Variants in ADCY2 observed in about 807,000 individuals in gnomAD.
ADCY2 encodes the protein adenylate cyclase 2, also known as adenylate cyclase type 2.
A neutral mutation model predicts 125.2 loss-of-function variants in ADCY2; 31 were observed. The ratio of observed to expected loss-of-function variants is 0.25; its 90% CI spans 0.19 to 0.33. ADCY2 has a LOEUF of 0.33. Among genes scored for constraint, ADCY2 ranks in the 10% least tolerant of loss-of-function variants. The probability of loss-of-function intolerance (pLI) is 1.00; values close to 1 mark genes in which losing one functional copy is unlikely to be tolerated. For missense variants in ADCY2, 904 were observed against 1,418.2 expected, an observed-to-expected ratio of 0.64 and a Z score of 5.82; for synonymous variants, 512 against 548.4, an observed-to-expected ratio of 0.93 and a Z score of 0.93.
At chr5:7,487,052 G>C (rs369070847) in intron 2 of ADCY2, among the ~76,000 whole-genome samples, 1 of 152,204 alleles carries the variant, frequency 6.6e-6, no homozygotes, top group African/African-American at 2.4e-5. Context: ...GCATTAGTTC[G>C]AGTTCATGCC....
chr5:7,396,629 AGCCCCTCGGCCCGCGGC>A lies in ADCY2; in HGVS notation c.210+124_210+140del, dbSNP rs1468490837. 1.0e-3 allele frequency: 508 copies of A among 492,890 alleles called. 4 individuals carry two copies. Among genetic ancestry groups the A allele is most frequent in the African/African-American group, 9.2e-3 (461 of 49,840 alleles). The allele number at this position is 492,890 out of a possible 1,614,324, so 30.5% of individuals were successfully genotyped here. On this transcript the variant is annotated intron_variant, in intron 1 of 24. Transcript: ENST00000338316. The surrounding 1 kb of genome is among the most constrained non-coding windows in gnomAD (Gnocchi z 5.7). Reference sequence around the variant, plus strand: ...CCGCGGCAGCCCCTCGGCCCGCGGCAGCCCCTCGGCCCGCGGCTCCCTGCTTCTCCTGCTGGCCCGCG... The same window carrying A: ...CCGCGGCAGCCCCTCGGCCCGCGGCATCCCTGCTTCTCCTGCTGGCCCGCG...
At chr5:7,648,526 C>T (rs748395722) in intron 4 of ADCY2, among the ~76,000 whole-genome samples, 1 of 152,110 alleles carries the variant, frequency 6.6e-6, no homozygotes, top group African/African-American at 2.4e-5. Context: ...AATAAGCACT[C>T]ACTGCAACAA....
At chr5:7,523,416 G>C (rs1744535061) in intron 3 of ADCY2, among the ~76,000 whole-genome samples, 1 of 151,374 alleles carries the variant, frequency 6.6e-6, no homozygotes, top group Non-Finnish European at 1.5e-5. Context: ...CAAACAGCCA[G>C]AGATGCGATA....
intron 3 of ADCY2, among the ~76,000 whole-genome samples, chr5:7,609,296 T>G (rs545225142): frequency 1.3e-5 from 2 of 152,328 alleles, no homozygotes; most frequent in African/African-American, 4.8e-5. Context: ...GAAAAGTAGA[T>G]TGAATTGATT....
chr5:7,622,582 A>T (rs1737989943), intron 3 of ADCY2, among the ~76,000 whole-genome samples: 1 of 152,226 alleles, frequency 6.6e-6, no homozygotes, highest in East Asian at 1.9e-4. Context: ...ATCCAGAATG[A>T]ATGACTCCAA....
At chr5:7,722,565 G>C (rs1741793209) in intron 12 of ADCY2, among the ~76,000 whole-genome samples, 1 of 152,014 alleles carries the variant, frequency 6.6e-6, no homozygotes, top group Non-Finnish European at 1.5e-5. Context: ...CTATGAAATA[G>C]AATAATAGTT....
At chr5:7,520,717 G>A in intron 2 of ADCY2, 21 bp from the exon 3 acceptor site, 1 of 1,613,464 alleles carries the variant, frequency 6.2e-7, no homozygotes, top group African/African-American at 1.3e-5. Flanking sequence ...GACTCTTATT[G>A]TTCTTCTTCT....
chr5:7,513,812 A>G (rs1744164788), intron 2 of ADCY2, among the ~76,000 whole-genome samples: 1 of 152,238 alleles, frequency 6.6e-6, no homozygotes, highest in African/African-American at 2.4e-5. Context: ...TTACTACTGT[A>G]AATACAATGG....
chr5:7,490,001 T>A (rs1453811239), intron 2 of ADCY2, among the ~76,000 whole-genome samples: 1 of 152,098 alleles, frequency 6.6e-6, no homozygotes, highest in Non-Finnish European at 1.5e-5. Context: ...AATACAGACT[T>A]AACATTTCAT....
intron 24 of ADCY2, among the ~76,000 whole-genome samples, chr5:7,824,178 A>G (rs1012873887): frequency 6.6e-6 from 1 of 152,112 alleles, no homozygotes; most frequent in Admixed American, 6.5e-5. Context: ...CCTAGGCCTG[A>G]GGAACGGGTT....
intron 3 of ADCY2, among the ~76,000 whole-genome samples, chr5:7,624,280 G>C (rs540163725): frequency 6.6e-6 from 1 of 152,270 alleles, no homozygotes; most frequent in African/African-American, 2.4e-5. Context: ...ATAGACCAAG[G>C]CATTGGGTAG....
intron 3 of ADCY2, among the ~76,000 whole-genome samples, chr5:7,549,843 C>T (rs1735272657): frequency 6.6e-6 from 1 of 152,178 alleles, no homozygotes; most frequent in Admixed American, 6.5e-5. Flanking sequence ...TGGCTTTCTC[C>T]AGCCACTATC....
At chr5:7,784,182 AG>A (rs1187768702) in intron 18 of ADCY2, among the ~76,000 whole-genome samples, 182 bp from the exon 19 acceptor site, 1 of 152,204 alleles carries the variant, frequency 6.6e-6, no homozygotes, top group African/African-American at 2.4e-5. Context: ...CTCTCAGAAT[AG>A]GGATTTTTGT....
chr5:7,510,503 T>C (rs1561065717), intron 2 of ADCY2, among the ~76,000 whole-genome samples: 1 of 152,038 alleles, frequency 6.6e-6, no homozygotes, highest in East Asian at 1.9e-4. Flanking sequence ...TAGGGTGGGG[T>C]CCAAGAGAGT....
In ADCY2 at chr5:7,802,791, T is replaced by C. The variant is rs969899237; in HGVS notation, c.2775+427T>C. 2.0e-5 allele frequency among the ~76,000 whole-genome samples: 3 copies of C among 152,236 alleles called. No individual in the cohort carries two copies. The highest frequency in any genetic ancestry group is 4.4e-5 in the Non-Finnish European group (3 of 68,040). Reference sequence around the variant, plus strand: ...CATGGATGACATTTTCTTAAAATTATAATCTGTATGGGGGGATAATACAAC... The same window carrying C: ...CATGGATGACATTTTCTTAAAATTACAATCTGTATGGGGGGATAATACAAC... On this transcript the variant is annotated intron_variant, in intron 21 of 24. Transcript: ENST00000338316. This position sits in a 1 kb window ranked among gnomAD's most constrained non-coding sequence, Gnocchi z 4.6.
At chr5:7,544,086 C>T (rs1735080289) in intron 3 of ADCY2, among the ~76,000 whole-genome samples, 1 of 151,096 alleles carries the variant, frequency 6.6e-6, no homozygotes, top group African/African-American at 2.4e-5. Flanking sequence ...TAGCACTTAA[C>T]CCCCATCCTT....
intron 3 of ADCY2, among the ~76,000 whole-genome samples, chr5:7,563,298 C>T (rs78098765): frequency 6.6e-6 from 1 of 152,144 alleles, no homozygotes; most frequent in Admixed American, 6.5e-5. Context: ...TAGAACTTCA[C>T]AGCAGGTGAG....
At position 7,543,175 on chromosome 5, in the gene ADCY2, C is replaced by T. The variant is rs569965739; in HGVS notation, c.570+22276C>T. ...TAGATATATACAAACACATACAACA[C>T]GTATGTGGAGTACAATCTTCTTATA... On this transcript the variant is annotated intron_variant, in intron 3 of 24. Transcript: ENST00000338316. 1.2e-4 allele frequency among the ~76,000 whole-genome samples: 18 copies of T among 152,174 alleles called. No individual in the cohort carries two copies. In the South Asian group the frequency reaches 3.1e-3, roughly 26 times the overall value.
chr5:7,766,348 G>T (rs1743378083), intron 16 of ADCY2, among the ~76,000 whole-genome samples: 1 of 152,198 alleles, frequency 6.6e-6, no homozygotes. Flanking sequence ...TGATGGTAGA[G>T]AGTTGAATGT....
Sources: gnomAD v4.1 joint callset for allele counts (sites outside exome capture counted in the v4.1 genomes callset) on GRCh38, gnomAD v4.1.1 for gene constraint, Gnocchi (gnomAD v3.1) non-coding constraint, MANE v1.5 for transcripts, NCBI Gene and HGNC (gene_info 2026-07-23, HGNC 2026-07-21) for gene names.